A1CF: variants seen among roughly 807,000 people sequenced by gnomAD.
The protein encoded by A1CF is APOBEC-1 stimulating protein.
A1CF carries 48 observed loss-of-function variants against 68.9 expected under a neutral mutation model. The observed-to-expected ratio is 0.70, with a 90% CI of 0.55 to 0.89. The LOEUF (loss-of-function observed/expected upper bound fraction) is 0.89. Ranked by LOEUF, A1CF falls within the 40% of genes least tolerant of loss-of-function variation. The pLI is 0.00. For missense variants in A1CF, 653 were observed against 718.9 expected, an observed-to-expected ratio of 0.91 and a Z score of 1.05; for synonymous variants, 272 against 260.4, an observed-to-expected ratio of 1.04 and a Z score of -0.43.
At position 50,845,415 on chromosome 10, in the gene A1CF, T is replaced by C. The variant is rs971925661; in HGVS notation, c.100-1293A>G. Among the ~76,000 whole-genome samples, 9 of 152,238 alleles carry C rather than the reference T, an allele frequency of 5.9e-5. No individual in the cohort carries two copies. In the East Asian group the frequency reaches 7.7e-4, roughly 13 times the overall value. On this transcript the variant is annotated intron_variant, in intron 3 of 12. Coordinates refer to ENST00000373997, the MANE Select transcript of A1CF (RefSeq NM_014576.4). ...ACTTCTTTTCAAACAAATACCTATATAGCATTTACTATATGTCAGATACTG... is the reference window on the plus strand; with the variant it reads ...ACTTCTTTTCAAACAAATACCTATACAGCATTTACTATATGTCAGATACTG...
At chr10:50,852,302 C>T (rs1840283404) in intron 3 of A1CF, among the ~76,000 whole-genome samples, 1 of 152,194 alleles carries the variant, frequency 6.6e-6, no homozygotes, top group African/African-American at 2.4e-5. Context: ...GCTTCTGGAA[C>T]ATATCTGTGT....
At chr10:50,816,452 C>A (rs778879007) in intron 8 of A1CF, 173 bp from the exon 9 acceptor site, 2 of 712,312 alleles carry the variant, frequency 2.8e-6, no homozygotes, top group South Asian at 4.1e-5. Flanking sequence ...TTTTTCTGAG[C>A]CATTTTGTTG....
At chr10:50,833,698 G>A (rs1420290548) in intron 6 of A1CF, among the ~76,000 whole-genome samples, 1 of 152,170 alleles carries the variant, frequency 6.6e-6, no homozygotes, top group Non-Finnish European at 1.5e-5. Flanking sequence ...TTCCTTTGTT[G>A]TGGGTGAGTC....
chr10:50,851,663 C>A (rs921788112), intron 3 of A1CF, among the ~76,000 whole-genome samples: 7 of 152,150 alleles, frequency 4.6e-5, no homozygotes, highest in African/African-American at 1.4e-4. Context: ...AAAAGGTTAG[C>A]AGGGCCTGAA....
chr10:50,845,499 A>G (rs902475665), intron 3 of A1CF, among the ~76,000 whole-genome samples: 1 of 152,226 alleles, frequency 6.6e-6, no homozygotes, highest in Non-Finnish European at 1.5e-5. Flanking sequence ...TACATAAGGT[A>G]TCAAAGCCCA....
At chr10:50,815,694 C>T (rs1349861703) in intron 9 of A1CF, among the ~76,000 whole-genome samples, 1 of 152,080 alleles carries the variant, frequency 6.6e-6, no homozygotes, top group Admixed American at 6.6e-5. Context: ...CAGTGGTGGA[C>T]AAGTGATATA....
chr10:50,823,404 C>T (rs1481394091), intron 7 of A1CF: 1 of 152,086 alleles, frequency 6.6e-6, no homozygotes, highest in Non-Finnish European at 1.5e-5. Flanking sequence ...GAAAAAGATC[C>T]TCTGAAATCA....
Position 50,864,441 on chromosome 10 carries a change from G to C in A1CF, c.-93-361C>G, listed in dbSNP as rs115899544. On this transcript the variant is annotated intron_variant, in intron 1 of 12. Transcript: ENST00000373997. ...TCCTTTATATCCCTTCTAACAATGG[G>C]ATGAGCAAAGGACACAAAGTATTGA... Among the ~76,000 whole-genome samples, 877 of 152,142 alleles carry C rather than the reference G, an allele frequency of 5.8e-3. 8 individuals carry two copies. The highest frequency in any genetic ancestry group is 0.019 in the African/African-American group (794 of 41,516).
Position 50,836,171 on chromosome 10 carries a change from G to A in A1CF, c.507C>T (p.Tyr169=), listed in dbSNP as rs1407297527. 2 of 1,613,842 alleles carry A rather than the reference G, an allele frequency of 1.2e-6. No individual in the cohort carries two copies. Among genetic ancestry groups the A allele is most frequent in the Admixed American group, 3.3e-5 (2 of 59,982 alleles). ...VTEGVVDVIV[Y]PSAADKTKNR... is the part of the protein sequence containing the mutation. ...TTTTGGTTTTATCTGCAGCGCTTGGGTAGACGATGACATCGACAACACCTT... is the reference window on the plus strand; with the variant it reads ...TTTTGGTTTTATCTGCAGCGCTTGGATAGACGATGACATCGACAACACCTT... Residue 169 remains tyrosine (Y), a synonymous_variant, in exon 6 of 13, where the codon TAC becomes TAT. Coordinates refer to ENST00000373997, the MANE Select transcript of A1CF (RefSeq NM_014576.4).
intron 6 of A1CF, among the ~76,000 whole-genome samples, chr10:50,833,314 C>A (rs932466603): frequency 8.5e-5 from 13 of 152,186 alleles, no homozygotes; most frequent in Non-Finnish European, 5.9e-5. Flanking sequence ...AGAACTCTGG[C>A]GGTGGGATCT....
At chr10:50,817,641 T>G (rs1479798782) in intron 8 of A1CF, among the ~76,000 whole-genome samples, 12 of 152,160 alleles carry the variant, frequency 7.9e-5, no homozygotes, top group Non-Finnish European at 1.8e-4. Context: ...GGGTATAAGA[T>G]TCTTTATATC....
At chr10:50,814,760 A>AT (rs979593697) in intron 9 of A1CF, among the ~76,000 whole-genome samples, 1 of 151,998 alleles carries the variant, frequency 6.6e-6, no homozygotes, top group Non-Finnish European at 1.5e-5. Flanking sequence ...TAAGATAGGC[A>AT]TTTTTTCCCT....
In A1CF at chr10:50,832,870, T is replaced by C. The variant is rs1839315376; in HGVS notation, c.604+3204A>G. On this transcript the variant is annotated intron_variant, in intron 6 of 12. Transcript: ENST00000373997. ...GAGTGCAATGGTTAGGTACTATGTT[T>C]TTTTTTTTATTTTTAGAATCTCTCA... Among the ~76,000 whole-genome samples the C allele has an allele frequency of 2.0e-5, 3 of 152,112 alleles. No individual in the cohort carries two copies. The South Asian group carries it at 6.2e-4, about 31-fold the overall frequency.
At chr10:50,845,289 C>A (rs1035686334) in intron 3 of A1CF, among the ~76,000 whole-genome samples, 1 of 151,954 alleles carries the variant, frequency 6.6e-6, no homozygotes, top group African/African-American at 2.4e-5. Context: ...TAGAAAAAAA[C>A]CCCAAAACCT....
chr10:50,827,701 G>C (rs1369147867), intron 7 of A1CF, among the ~76,000 whole-genome samples: 2 of 152,112 alleles, frequency 1.3e-5, no homozygotes, highest in African/African-American at 4.8e-5. Flanking sequence ...ATCTAAAATT[G>C]ACACCCTAAC....
intron 7 of A1CF, among the ~76,000 whole-genome samples, chr10:50,827,010 C>A (rs980960833): frequency 2.0e-5 from 3 of 152,002 alleles, no homozygotes; most frequent in Non-Finnish European, 2.9e-5. Context: ...AGACTTTAAA[C>A]CAACAAAGAT....
At chr10:50,870,020 T>G (rs1841174427) in intron 1 of A1CF, among the ~76,000 whole-genome samples, 1 of 151,928 alleles carries the variant, frequency 6.6e-6, no homozygotes, top group South Asian at 2.1e-4. Context: ...TGTTTTTCTT[T>G]TTTAATTAAT....
intron 6 of A1CF, among the ~76,000 whole-genome samples, chr10:50,832,495 G>A (rs915264725): frequency 6.6e-6 from 1 of 152,160 alleles, no homozygotes; most frequent in African/African-American, 2.4e-5. Flanking sequence ...CTAGGACCAC[G>A]AAGAGCTGCA....
At chr10:50,832,806 T>G (rs1839312047) in intron 6 of A1CF, among the ~76,000 whole-genome samples, 3 of 152,194 alleles carry the variant, frequency 2.0e-5, no homozygotes, top group African/African-American at 7.2e-5. Flanking sequence ...TTTTTCCTGT[T>G]TTTGTGTATG....
Sources: gnomAD v4.1 joint callset for allele counts (sites outside exome capture counted in the v4.1 genomes callset) on GRCh38, gnomAD v4.1.1 for gene constraint, MANE v1.5 for transcripts, NCBI Gene and HGNC (gene_info 2026-07-23, HGNC 2026-07-21) for gene names.